LINGO2: variants seen among roughly 807,000 people sequenced by gnomAD.
LINGO2 encodes the protein leucine rich repeat and Ig domain containing 2.
In LINGO2, 14 loss-of-function variants were observed where a neutral mutation model predicts 30.6. That is an observed-to-expected ratio of 0.46 (90% CI 0.30 to 0.72). The LOEUF is 0.72. Ranked by LOEUF, LINGO2 falls within the 30% of genes least tolerant of loss-of-function variation. The pLI, the probability that LINGO2 is intolerant of heterozygous loss-of-function variation, is 0.07. For missense variants in LINGO2, 729 were observed against 751.7 expected (o/e 0.97, Z 0.35); for synonymous variants, 317 against 288.5 (o/e 1.10, Z -1.00).
chr9:28,390,747 C>T (rs1016603523), intron 2 of LINGO2, among the ~76,000 whole-genome samples: 1 of 152,134 alleles, frequency 6.6e-6, no homozygotes, highest in Non-Finnish European at 1.5e-5. Context: ...TCAATGTAGA[C>T]ATAAATTCAA....
chr9:28,742,965 T>C, the LINGO2 span, among the ~76,000 whole-genome samples: 3 of 151,998 alleles, frequency 2.0e-5, no homozygotes, highest in African/African-American at 4.8e-5. Context: ...AGAAGAAACA[T>C]GCAATTATAT....
chr9:29,019,187 C>A, the LINGO2 span, among the ~76,000 whole-genome samples: 1 of 152,226 alleles, frequency 6.6e-6, no homozygotes, highest in East Asian at 1.9e-4. Context: ...AGAAAAGGTA[C>A]ACCATGTACT....
At chr9:28,031,960 T>C (rs7027488) in intron 4 of LINGO2, among the ~76,000 whole-genome samples, 25,393 of 151,682 alleles carry the variant, frequency 0.17, 2,318 homozygotes, top group South Asian at 0.26. Flanking sequence ...GCAGTACCTA[T>C]TAAAAGTTGT....
At chr9:28,246,233 G>C (rs1005643050) in intron 4 of LINGO2, among the ~76,000 whole-genome samples, 1 of 152,102 alleles carries the variant, frequency 6.6e-6, no homozygotes, top group African/African-American at 2.4e-5. Context: ...AGACCAGCCT[G>C]ACCAACATGG....
chr9:29,208,708 T>C, the LINGO2 span, among the ~76,000 whole-genome samples: 2 of 152,142 alleles, frequency 1.3e-5, no homozygotes, highest in East Asian at 1.9e-4. Flanking sequence ...AAACATAGAG[T>C]AGGTAGATAT....
intron 4 of LINGO2, among the ~76,000 whole-genome samples, chr9:28,273,789 G>A (rs906529452): frequency 6.6e-6 from 1 of 152,070 alleles, no homozygotes; most frequent in African/African-American, 2.4e-5. Flanking sequence ...GAGTGATTCT[G>A]GTATCTTTAT....
chr9:28,660,717 A>G (rs1306300527), intron 1 of LINGO2, among the ~76,000 whole-genome samples: 2 of 152,092 alleles, frequency 1.3e-5, no homozygotes, highest in African/African-American at 2.4e-5. Flanking sequence ...TCTAGGCATA[A>G]TGGTTATGCA....
At chr9:28,504,861 G>C (rs1820043664) in intron 1 of LINGO2, among the ~76,000 whole-genome samples, 1 of 151,766 alleles carries the variant, frequency 6.6e-6, no homozygotes. Context: ...TGTATTTGGA[G>C]TTAGAAAGGC....
chr9:27,993,554 AAAGTT>A (rs1349461020), intron 5 of LINGO2, among the ~76,000 whole-genome samples: 1 of 152,110 alleles, frequency 6.6e-6, no homozygotes, highest in Non-Finnish European at 1.5e-5. Flanking sequence ...CATACACAAA[AAAGTT>A]CATATCTAGC....
intron 4 of LINGO2, among the ~76,000 whole-genome samples, chr9:28,183,346 T>C (rs1457329642): frequency 6.6e-6 from 1 of 151,928 alleles, no homozygotes; most frequent in Non-Finnish European, 1.5e-5. Context: ...GTCAGGTCAA[T>C]AGGTGCAGCA....
chr9:29,020,703 T>C, the LINGO2 span, among the ~76,000 whole-genome samples: 2 of 151,898 alleles, frequency 1.3e-5, no homozygotes, highest in Admixed American at 1.3e-4. Context: ...GAACTAAGAA[T>C]AGAGCTGGAG....
chr9:28,001,073 CCAT>C (rs1475027706), intron 5 of LINGO2, among the ~76,000 whole-genome samples: 1 of 152,200 alleles, frequency 6.6e-6, no homozygotes, highest in Non-Finnish European at 1.5e-5. Context: ...TCTATAATCA[CCAT>C]CAATGTGTTT....
In LINGO2 at chr9:28,166,032, A is replaced by G. The variant is rs192608106; in HGVS notation, c.-87+129176T>C. ...AGACATCACAGTATATCTGGGTATG[A>G]CTCATAACAGAGTGGCCTTTCAAAA... On this transcript the variant is annotated intron_variant, in intron 4 of 5. Coordinates refer to ENST00000379992, the Ensembl canonical transcript of LINGO2. Among the ~76,000 whole-genome samples, 25 of 152,306 alleles carry G rather than the reference A, an allele frequency of 1.6e-4. No homozygotes were observed. The East Asian group carries it at 4.1e-3, about 25-fold the overall frequency.
At chr9:28,067,032 T>G (rs1563955573) in intron 4 of LINGO2, among the ~76,000 whole-genome samples, 1 of 152,146 alleles carries the variant, frequency 6.6e-6, no homozygotes, top group Non-Finnish European at 1.5e-5. Context: ...ACTCACCTCG[T>G]TATTTGCTTA....
chr9:28,753,206 C>A, the LINGO2 span, among the ~76,000 whole-genome samples: 1 of 151,970 alleles, frequency 6.6e-6, no homozygotes, highest in Admixed American at 6.6e-5. Context: ...GCAGAAGAAA[C>A]CACCCTAGGG....
intron 3 of LINGO2, among the ~76,000 whole-genome samples, chr9:28,342,841 T>G (rs779506061): frequency 6.6e-6 from 1 of 152,156 alleles, no homozygotes; most frequent in Non-Finnish European, 1.5e-5. Context: ...TTCTGTTAAG[T>G]GAGCATTTTC....
chr9:29,196,453 T>G, the LINGO2 span, among the ~76,000 whole-genome samples: 1 of 152,102 alleles, frequency 6.6e-6, no homozygotes, highest in Non-Finnish European at 1.5e-5. Flanking sequence ...TTGAAGATTT[T>G]TAAAGTTATA....
the LINGO2 span, among the ~76,000 whole-genome samples, chr9:28,980,176 A>C: frequency 2.6e-5 from 4 of 151,984 alleles, no homozygotes; most frequent in Non-Finnish European, 4.4e-5. Flanking sequence ...TCACCAAACC[A>C]CATGACTCTA....
chr9:29,108,332 T>C, the LINGO2 span, among the ~76,000 whole-genome samples: 1 of 152,156 alleles, frequency 6.6e-6, no homozygotes, highest in Non-Finnish European at 1.5e-5. Flanking sequence ...CCCATTTGTC[T>C]AGTTATAAAA....
Sources: allele counts gnomAD v4.1 joint callset (sites outside exome capture counted in the v4.1 genomes callset), GRCh38; gene constraint gnomAD v4.1.1; transcripts MANE v1.5; gene names NCBI Gene and HGNC (gene_info 2026-07-23, HGNC 2026-07-21).